The following ZSCAN5A variants were observed in gnomAD, a reference collection of about 807,000 sequenced individuals.
ZSCAN5A encodes the protein zinc finger and SCAN domain-containing protein 5A.
A neutral mutation model predicts 23.7 loss-of-function variants in ZSCAN5A; 12 were observed. The observed-to-expected ratio is 0.51, with a 90% CI of 0.32 to 0.82. ZSCAN5A has a LOEUF of 0.82. ZSCAN5A is among the 40% of genes least tolerant of loss of function. The pLI, the probability that ZSCAN5A is intolerant of heterozygous loss-of-function variation, is 0.03. For missense variants in ZSCAN5A, 597 were observed against 617.9 expected (o/e 0.97, Z 0.36); for synonymous variants, 257 against 239.9 (o/e 1.07, Z -0.66).
intron 1 of ZSCAN5A, among the ~76,000 whole-genome samples, chr19:56,366,269 C>T (rs967944809): frequency 6.6e-6 from 1 of 151,822 alleles, no homozygotes; most frequent in African/African-American, 2.4e-5. Context: ...GGTGAAACCC[C>T]GTCTCTACTA....
chr19:56,323,582 G>A (rs558574020), intron 2 of ZSCAN5A, among the ~76,000 whole-genome samples: 14 of 149,658 alleles, frequency 9.4e-5, no homozygotes, highest in South Asian at 2.1e-4. Context: ...TATTGCCCAG[G>A]CTGGAGTACA....
intron 2 of ZSCAN5A, among the ~76,000 whole-genome samples, chr19:56,279,944 T>G (rs1161381143): frequency 6.6e-6 from 1 of 152,180 alleles, no homozygotes; most frequent in African/African-American, 2.4e-5. Flanking sequence ...TTATTCAATT[T>G]AAAACATCAT....
chr19:56,289,924 T>C (rs1449887355), intron 2 of ZSCAN5A, among the ~76,000 whole-genome samples: 1 of 152,204 alleles, frequency 6.6e-6, no homozygotes, highest in East Asian at 1.9e-4. Flanking sequence ...CTCACAAATG[T>C]TTCTTGTACC....
At chr19:56,316,119 G>GTTGC (rs1395162977), upstream of ZSCAN5A, 1 of 152,212 alleles carries the variant, frequency 6.6e-6, no homozygotes, top group African/African-American at 2.4e-5. Context: ...TGTCATACCA[G>GTTGC]TTGCTGTGTG....
At chr19:56,255,449 C>CA (rs1331995008) in intron 2 of ZSCAN5A, among the ~76,000 whole-genome samples, 4 of 151,952 alleles carry the variant, frequency 2.6e-5, no homozygotes, top group Admixed American at 6.6e-5. Context: ...AACAGAAAAA[C>CA]AAAAAACCCA....
rs202135925 is a variant in ZSCAN5A, at chr19:56,244,106, C to T, written c.-127-18933G>A. The T allele has an allele frequency of 1.3e-5, 20 of 1,485,970 alleles. No homozygotes were observed. The Admixed American group carries it at 1.5e-4, about 11-fold the overall frequency. 92.0% of individuals were successfully genotyped at this position (1,485,970 alleles called of 1,614,324 possible). ...ACCCTGCAACAGCCCTGAGTCAGAG[C>T]CGCCACAGTCTGTGGCTTCCCCAGA... On this transcript the variant is annotated intron_variant, in intron 2 of 5. Coordinates refer to ENST00000683990, the MANE Select transcript of ZSCAN5A (RefSeq NM_001322064.3).
chr19:56,301,950 C>T, intron 2 of ZSCAN5A: 1 of 1,232,034 alleles, frequency 8.1e-7, no homozygotes, highest in Non-Finnish European at 1.0e-6. Flanking sequence ...CATCAATCAT[C>T]TCCACGGTTC....
chr19:56,290,718 T>C (rs2039452720), intron 2 of ZSCAN5A, among the ~76,000 whole-genome samples: 1 of 152,104 alleles, frequency 6.6e-6, no homozygotes, highest in African/African-American at 2.4e-5. Context: ...ACATAAACAG[T>C]TTAAAATAGT....
At chr19:56,304,339 C>T (rs549650173) in intron 2 of ZSCAN5A, among the ~76,000 whole-genome samples, 87 of 152,280 alleles carry the variant, frequency 5.7e-4, no homozygotes, top group Non-Finnish European at 9.6e-4. Context: ...GGTTCTGAAA[C>T]GGGGGTGACG....
At chr19:56,367,000 C>T (rs1233899244) in intron 1 of ZSCAN5A, among the ~76,000 whole-genome samples, 3 of 152,044 alleles carry the variant, frequency 2.0e-5, no homozygotes, top group Non-Finnish European at 2.9e-5. Context: ...AAACTGGTGA[C>T]GTATTAAAAC....
intron 2 of ZSCAN5A, among the ~76,000 whole-genome samples, chr19:56,292,068 C>T (rs2039546983): frequency 6.6e-6 from 1 of 152,096 alleles, no homozygotes; most frequent in South Asian, 2.1e-4. Context: ...CGGTGGGTTA[C>T]GGATCCTGGG....
chr19:56,287,453 T>C (rs1469217778), intron 2 of ZSCAN5A, among the ~76,000 whole-genome samples: 5 of 152,176 alleles, frequency 3.3e-5, no homozygotes, highest in Admixed American at 2.6e-4. Flanking sequence ...TCTTCTCCTT[T>C]TAACAAGCAC....
rs937495810 is a variant in ZSCAN5A, at chr19:56,321,312, GT to G, written c.-357-5045del. ...GAAGAAAATAACTCGCCCATCACTG[GT>G]CAAGAAGTCCCATGCCCTCTGGGCT... On this transcript the variant is annotated intron_variant, in intron 2 of 6. Transcript: ENST00000587340. 4 of 656,650 alleles carry G rather than the reference GT, an allele frequency of 6.1e-6. No individual in the cohort carries two copies. In the African/African-American group the frequency reaches 7.2e-5, roughly 12 times the overall value. The allele number at this position is 656,650 out of a possible 1,614,324, so 40.7% of individuals were successfully genotyped here.
intron 2 of ZSCAN5A, among the ~76,000 whole-genome samples, chr19:56,326,025 C>T (rs1450981894): frequency 6.6e-6 from 1 of 151,750 alleles, no homozygotes; most frequent in African/African-American, 2.4e-5. Flanking sequence ...CTCCACCTCC[C>T]GGGTTCACGC....
rs557023313 is a variant in ZSCAN5A, at chr19:56,261,564, G to C, written c.-127-36391C>G. ...TAAAGCACAGATAGCTGCCTGACTT[G>C]AAAGTGTCTTTCAGGACTGGATCAG... On this transcript the variant is annotated intron_variant, in intron 2 of 5. Coordinates refer to ENST00000683990, the MANE Select transcript of ZSCAN5A (RefSeq NM_001322064.3). Among the ~76,000 whole-genome samples the C allele has an allele frequency of 2.3e-4, 35 of 152,274 alleles. 1 individual carries two copies. Among genetic ancestry groups the C allele is most frequent in the African/African-American group, 7.9e-4 (33 of 41,562 alleles).
chr19:56,293,903 C>A lies in ZSCAN5A; in HGVS notation c.-128+19380G>T, dbSNP rs367803475. Among the ~76,000 whole-genome samples, 220 of 152,208 alleles carry A rather than the reference C, an allele frequency of 1.4e-3. 4 individuals are homozygous for A. The South Asian group carries it at 0.032, about 22-fold the overall frequency. ...TGTCACTCGTCTGGAGGTTGAGAAA[C>A]CCCCCGCTGAATAAAATGTCTGGCA... On this transcript the variant is annotated intron_variant, in intron 2 of 5. Transcript: ENST00000683990.
At chr19:56,264,387 C>T (rs1010192426) in intron 2 of ZSCAN5A, among the ~76,000 whole-genome samples, 1 of 152,180 alleles carries the variant, frequency 6.6e-6, no homozygotes, top group Admixed American at 6.5e-5. Context: ...GCTCATTCCA[C>T]TACAGAAAAT....
intron 2 of ZSCAN5A, among the ~76,000 whole-genome samples, chr19:56,326,010 G>A (rs1229888005): frequency 2.6e-5 from 4 of 151,612 alleles, no homozygotes; most frequent in Admixed American, 6.6e-5. Context: ...TCCGCTCACT[G>A]CAAGCTCCAC....
rs965324113 is a variant in ZSCAN5A, at chr19:56,356,313, G to A, written c.-358+6922C>T. Reference sequence around the variant, plus strand: ...AAACAATCAGTGGTGGGAATTACGTGATGCAGGAAGCGTACTTACAGAAGC... The same window carrying A: ...AAACAATCAGTGGTGGGAATTACGTAATGCAGGAAGCGTACTTACAGAAGC... On this transcript the variant is annotated intron_variant, in intron 2 of 6. Coordinates refer to the ZSCAN5A transcript ENST00000587340. 2.0e-5 allele frequency among the ~76,000 whole-genome samples: 3 copies of A among 148,676 alleles called. 1 individual carries two copies. The highest frequency in any genetic ancestry group is 4.5e-5 in the Non-Finnish European group (3 of 67,286).
Sources: allele counts gnomAD v4.1 joint callset (sites outside exome capture counted in the v4.1 genomes callset), GRCh38; gene constraint gnomAD v4.1.1; transcripts MANE v1.5; gene names NCBI Gene and HGNC (gene_info 2026-07-23, HGNC 2026-07-21).